The following BACE2 variants were observed in gnomAD, a reference collection of about 807,000 sequenced individuals.
BACE2 encodes 56 kDa aspartic-like protease.
A neutral mutation model predicts 46.2 loss-of-function variants in BACE2; 17 were observed. That is an observed-to-expected ratio of 0.37 (90% CI 0.25 to 0.55). The LOEUF (loss-of-function observed/expected upper bound fraction) is 0.55, where lower values mean the gene tolerates loss of function less well. Ranked by LOEUF, BACE2 falls within the 20% of genes least tolerant of loss-of-function variation. The pLI, the probability that BACE2 is intolerant of heterozygous loss-of-function variation, is 0.82. For missense variants in BACE2, 595 were observed against 698.1 expected (o/e 0.85, Z 1.66); for synonymous variants, 277 against 295.9 (o/e 0.94, Z 0.66).
chr21:41,177,249 C>T (rs1011324981), intron 1 of BACE2: 3 of 152,368 alleles, frequency 2.0e-5, no homozygotes, highest in Non-Finnish European at 4.4e-5. Flanking sequence ...GTGCCTGCCT[C>T]CCCAGTGCCT....
chr21:41,215,381 C>G (rs1483705640), intron 1 of BACE2, among the ~76,000 whole-genome samples: 2 of 152,276 alleles, frequency 1.3e-5, no homozygotes, highest in South Asian at 4.1e-4. Flanking sequence ...AGGCCATTCT[C>G]CCTACTAGAT....
At position 41,208,023 on chromosome 21, in the gene BACE2, C is replaced by G. The variant is rs527579198; in HGVS notation, c.313-18243C>G. On this transcript the variant is annotated intron_variant, in intron 1 of 8. Transcript: ENST00000330333. ...TATCACTGGCCAGACAGCCCTAAACCAAGCTCATACCGCTAGGGCCTTAGG... is the reference window on the plus strand; with the variant it reads ...TATCACTGGCCAGACAGCCCTAAACGAAGCTCATACCGCTAGGGCCTTAGG... Among the ~76,000 whole-genome samples, 8 of 152,308 alleles carry G rather than the reference C, an allele frequency of 5.3e-5. No homozygotes were observed. The South Asian group carries it at 1.7e-3, about 32-fold the overall frequency.
intron 1 of BACE2, among the ~76,000 whole-genome samples, chr21:41,194,870 A>G (rs566409766): frequency 1.3e-5 from 2 of 152,384 alleles, no homozygotes; most frequent in South Asian, 2.1e-4. Flanking sequence ...TCAGCAAAGC[A>G]TGGCAGGACA....
At chr21:41,266,680 G>A (rs1444125957) in intron 8 of BACE2, among the ~76,000 whole-genome samples, 1 of 152,214 alleles carries the variant, frequency 6.6e-6, no homozygotes, top group Non-Finnish European at 1.5e-5. Context: ...TCACCAATGG[G>A]CAAGGTTTGC....
chr21:41,258,159 A>G (rs568583936), intron 8 of BACE2, among the ~76,000 whole-genome samples: 2 of 152,194 alleles, frequency 1.3e-5, no homozygotes, highest in Non-Finnish European at 2.9e-5. Context: ...AAAAAATGGT[A>G]CATTGGGTTT....
At chr21:41,224,749 G>C (rs1986759863) in intron 1 of BACE2, among the ~76,000 whole-genome samples, 1 of 152,188 alleles carries the variant, frequency 6.6e-6, no homozygotes, top group African/African-American at 2.4e-5. Flanking sequence ...GGGGACTGCA[G>C]ATTAAAACCA....
At chr21:41,211,385 T>A (rs1311110889) in intron 1 of BACE2, among the ~76,000 whole-genome samples, 1 of 152,090 alleles carries the variant, frequency 6.6e-6, no homozygotes, top group Non-Finnish European at 1.5e-5. Flanking sequence ...CATCTGTTTG[T>A]GTTAAGTGGT....
In BACE2 at chr21:41,275,902, CAA is replaced by C. The variant is rs1283778938; in HGVS notation, c.*280_*281del. On this transcript the variant is annotated 3_prime_UTR_variant, in exon 9 of 9. Transcript: ENST00000330333. The stretch of plus-strand genomic sequence containing the variant: ...GCAGGCTCTATGGGGTTCGTTATGC[CAA>C]AGTGTCTACATGTGCCACCAACATA... 1 of 432,072 alleles carries C rather than the reference CAA, an allele frequency of 2.3e-6. No individual in the cohort carries two copies. Among genetic ancestry groups the C allele is most frequent in the African/African-American group, 2.0e-5 (1 of 50,862 alleles). 26.8% of individuals were successfully genotyped at this position (432,072 alleles called of 1,614,324 possible).
At chr21:41,178,985 A>T in intron 1 of BACE2, 1 of 789,420 alleles carries the variant, frequency 1.3e-6, no homozygotes, top group Non-Finnish European at 1.7e-6. Flanking sequence ...GCAATTTGAG[A>T]TGAGATTGGC....
At chr21:41,251,945 G>A (rs531917161) in intron 7 of BACE2, among the ~76,000 whole-genome samples, 5 of 152,120 alleles carry the variant, frequency 3.3e-5, no homozygotes, top group East Asian at 1.9e-4. Flanking sequence ...AATGGACCAC[G>A]TCTGTCTTCC....
intron 1 of BACE2, among the ~76,000 whole-genome samples, chr21:41,189,867 T>C (rs974249326): frequency 1.3e-5 from 2 of 152,206 alleles, no homozygotes; most frequent in African/African-American, 4.8e-5. Flanking sequence ...CACAGTAGGC[T>C]GTCTGCAAGT....
chr21:41,239,399 A>G (rs941476825), intron 3 of BACE2, among the ~76,000 whole-genome samples: 4 of 151,918 alleles, frequency 2.6e-5, no homozygotes, highest in Non-Finnish European at 4.4e-5. Context: ...TTTTTTTGAG[A>G]GAGAGTCTCA....
At chr21:41,213,318 C>T (rs1439191460) in intron 1 of BACE2, among the ~76,000 whole-genome samples, 1 of 152,148 alleles carries the variant, frequency 6.6e-6, no homozygotes, top group African/African-American at 2.4e-5. Flanking sequence ...AGCTGGGAGG[C>T]CTTCTGGGGA....
At chr21:41,236,807 G>A (rs1987133248) in intron 2 of BACE2, 1 of 152,324 alleles carries the variant, frequency 6.6e-6, no homozygotes, top group African/African-American at 2.4e-5. Flanking sequence ...GCCCTGCAAA[G>A]CCGGAGGGCC....
intron 3 of BACE2, among the ~76,000 whole-genome samples, chr21:41,239,459 C>A (rs772443385): frequency 1.3e-5 from 2 of 152,124 alleles, no homozygotes; most frequent in Non-Finnish European, 2.9e-5. Context: ...CTCACTGCAA[C>A]CTCTAGCTCC....
intron 4 of BACE2, 22 bp downstream of exon 4, chr21:41,241,969 A>G (rs1186185891): frequency 6.2e-7 from 1 of 1,611,338 alleles, no homozygotes; most frequent in Non-Finnish European, 8.5e-7. Context: ...TTAGTCTTAA[A>G]GGGGCGAAAA....
intron 8 of BACE2, among the ~76,000 whole-genome samples, chr21:41,266,417 C>G (rs1393360194): frequency 1.3e-5 from 2 of 152,120 alleles, no homozygotes; most frequent in African/African-American, 4.8e-5. Context: ...TTTTTTCTTC[C>G]AAGAGAGTGC....
At chr21:41,169,858 G>A (rs1036774482) in intron 1 of BACE2, among the ~76,000 whole-genome samples, 3 of 152,200 alleles carry the variant, frequency 2.0e-5, no homozygotes, top group African/African-American at 7.2e-5. Flanking sequence ...TCCAGGAGTG[G>A]ATGGTTAGAG....
intron 1 of BACE2, chr21:41,179,849 G>A (rs1000474970): frequency 1.7e-5 from 7 of 402,326 alleles, no homozygotes; most frequent in African/African-American, 8.5e-5. Context: ...ACACATGGAT[G>A]TAAGTGTGGC....
Sources: gnomAD v4.1 joint callset for allele counts (sites outside exome capture counted in the v4.1 genomes callset) on GRCh38, gnomAD v4.1.1 for gene constraint, MANE v1.5 for transcripts, NCBI Gene and HGNC (gene_info 2026-07-23, HGNC 2026-07-21) for gene names.